Variants in EPHA4 observed in about 807,000 individuals in gnomAD.
EPHA4 encodes EPH receptor A4.
A neutral mutation model predicts 108.3 loss-of-function variants in EPHA4; 19 were observed. The ratio of observed to expected loss-of-function variants is 0.18; its 90% CI spans 0.12 to 0.26. EPHA4 has a LOEUF of 0.26. Among genes scored for constraint, EPHA4 ranks in the 10% least tolerant of loss-of-function variants. The probability of loss-of-function intolerance (pLI) is 1.00; values close to 1 mark genes in which losing one functional copy is unlikely to be tolerated. For synonymous variants in EPHA4, 449 were observed against 455.5 expected, an observed-to-expected ratio of 0.99 and a Z score of 0.18; for missense variants, 917 against 1,254.0, an observed-to-expected ratio of 0.73 and a Z score of 4.06.
At chr2:221,568,584 A>T in intron 2 of EPHA4, 134 bp downstream of exon 2, 1 of 584,312 alleles carries the variant, frequency 1.7e-6, no homozygotes, top group Non-Finnish European at 3.0e-6. Context: ...AACAAAGCGT[A>T]ATTCACTTCA....
intron 3 of EPHA4, among the ~76,000 whole-genome samples, chr2:221,529,507 G>A (rs550374169): frequency 6.6e-6 from 1 of 152,296 alleles, no homozygotes; most frequent in Admixed American, 6.5e-5. Flanking sequence ...TTACAAATCT[G>A]TTGCATCCAG....
intron 5 of EPHA4, among the ~76,000 whole-genome samples, chr2:221,471,351 C>T (rs1252305997): frequency 6.6e-6 from 1 of 151,982 alleles, no homozygotes; most frequent in Non-Finnish European, 1.5e-5. Context: ...ATAACTGGCT[C>T]CACCCAAAGA....
intron 3 of EPHA4, among the ~76,000 whole-genome samples, chr2:221,523,066 A>G (rs1559278266): frequency 6.6e-6 from 1 of 150,910 alleles, no homozygotes; most frequent in Non-Finnish European, 1.5e-5. Flanking sequence ...CCCAGCCAAA[A>G]GATTTTTTTA....
intron 3 of EPHA4, among the ~76,000 whole-genome samples, chr2:221,562,703 A>G (rs192697830): frequency 3.3e-5 from 5 of 152,362 alleles, no homozygotes; most frequent in African/African-American, 1.2e-4. Flanking sequence ...ACTACATTAT[A>G]AAAACAAGTA....
chr2:221,562,067 C>T (rs564034491), intron 3 of EPHA4, among the ~76,000 whole-genome samples: 1 of 151,996 alleles, frequency 6.6e-6, no homozygotes, highest in Admixed American at 6.6e-5. Context: ...ATATTAATAC[C>T]AGAATATACT....
intron 4 of EPHA4, among the ~76,000 whole-genome samples, chr2:221,493,387 G>T (rs1692207130): frequency 6.6e-6 from 1 of 151,816 alleles, no homozygotes; most frequent in Non-Finnish European, 1.5e-5. Context: ...AATAACAGGG[G>T]CACCTTCAAG....
At chr2:221,454,586 T>C (rs1690882789) in intron 8 of EPHA4, among the ~76,000 whole-genome samples, 1 of 152,192 alleles carries the variant, frequency 6.6e-6, no homozygotes, top group Non-Finnish European at 1.5e-5. Context: ...AGCCCCATCT[T>C]GTGAAACAGT....
intron 5 of EPHA4, among the ~76,000 whole-genome samples, chr2:221,475,972 A>G (rs553042800): frequency 1.3e-5 from 2 of 152,252 alleles, no homozygotes; most frequent in East Asian, 3.9e-4. Flanking sequence ...TAATCCCAGA[A>G]CTTTGGGAGG....
intron 5 of EPHA4, among the ~76,000 whole-genome samples, chr2:221,477,472 T>C (rs760681426): frequency 3.3e-5 from 5 of 152,198 alleles, no homozygotes; most frequent in African/African-American, 7.2e-5. Context: ...TTGTGAATTA[T>C]AAGATGTTTA....
chr2:221,528,087 T>C (rs527863230), intron 3 of EPHA4, among the ~76,000 whole-genome samples: 31 of 152,104 alleles, frequency 2.0e-4, no homozygotes, highest in African/African-American at 7.2e-4. Context: ...ATCTGTTGTT[T>C]AAAACATAGA....
chr2:221,524,953 T>A (rs1438191155), intron 3 of EPHA4, among the ~76,000 whole-genome samples: 1 of 152,144 alleles, frequency 6.6e-6, no homozygotes, highest in Non-Finnish European at 1.5e-5. Flanking sequence ...CTCAAAAGTA[T>A]CCTATTGTCT....
intron 3 of EPHA4, among the ~76,000 whole-genome samples, chr2:221,511,317 A>G (rs1042682475): frequency 4.6e-5 from 7 of 152,190 alleles, no homozygotes; most frequent in African/African-American, 1.7e-4. Flanking sequence ...AAAATTGACA[A>G]TCTAATTTAG....
intron 11 of EPHA4, among the ~76,000 whole-genome samples, chr2:221,437,757 C>CAAAAAAAAAAAA (rs538233784): frequency 7.9e-6 from 1 of 125,884 alleles, no homozygotes; most frequent in Non-Finnish European, 1.7e-5. Context: ...ACTAAAAATA[C>CAAAAAAAAAAAA]AAAAAAAAAA....
intron 15 of EPHA4, among the ~76,000 whole-genome samples, chr2:221,427,990 A>C (rs1689962846): frequency 6.6e-6 from 1 of 152,198 alleles, no homozygotes; most frequent in South Asian, 2.1e-4. Context: ...TGATTTTCTA[A>C]GTACAATTCT....
intron 3 of EPHA4, among the ~76,000 whole-genome samples, chr2:221,505,122 C>A (rs1296170313): frequency 6.6e-6 from 1 of 152,126 alleles, no homozygotes; most frequent in Non-Finnish European, 1.5e-5. Context: ...TAACTGCTCA[C>A]CCCATGTGGT....
intron 3 of EPHA4, among the ~76,000 whole-genome samples, chr2:221,549,895 G>T (rs991344453): frequency 2.6e-5 from 4 of 152,202 alleles, no homozygotes; most frequent in Admixed American, 2.6e-4. Flanking sequence ...GGAGGCTGAG[G>T]CAGGGGAATT....
At chr2:221,438,080 C>A (rs62180561) in intron 11 of EPHA4, among the ~76,000 whole-genome samples, 46,519 of 151,996 alleles carry the variant, frequency 0.31, 7,708 homozygotes, top group African/African-American at 0.45. Context: ...CAAACAAAAA[C>A]CCCAGAACAG....
intron 11 of EPHA4, chr2:221,437,414 C>A: frequency 3.7e-6 from 1 of 268,454 alleles, no homozygotes. Context: ...ATTGCTCTCT[C>A]AAGCAAAAGG....
At chr2:221,562,936 G>C (rs558186997) in intron 3 of EPHA4, among the ~76,000 whole-genome samples, 1 of 152,216 alleles carries the variant, frequency 6.6e-6, no homozygotes, top group African/African-American at 2.4e-5. Flanking sequence ...AATCCACTTA[G>C]TAATATGGTA....
Sources: gnomAD v4.1 joint callset for allele counts (sites outside exome capture counted in the v4.1 genomes callset) on GRCh38, gnomAD v4.1.1 for gene constraint, MANE v1.5 for transcripts, NCBI Gene and HGNC (gene_info 2026-07-23, HGNC 2026-07-21) for gene names.